Variants in IHO1 observed in about 807,000 individuals in gnomAD.
IHO1 encodes interactor of HORMAD1 protein 1.
In IHO1, 13 loss-of-function variants were observed where a neutral mutation model predicts 31.0. That is an observed-to-expected ratio of 0.42 (90% CI 0.27 to 0.67). IHO1 has a LOEUF of 0.67. IHO1 is among the 30% of genes least tolerant of loss of function. The probability of loss-of-function intolerance (pLI) is 0.24; values close to 1 mark genes in which losing one functional copy is unlikely to be tolerated. For missense variants in IHO1, 599 were observed against 687.5 expected, an observed-to-expected ratio of 0.87 and a Z score of 1.44; for synonymous variants, 221 against 248.4, an observed-to-expected ratio of 0.89 and a Z score of 1.04.
At chr3:49,222,576 G>T (rs1026748759) in intron 2 of IHO1, among the ~76,000 whole-genome samples, 1 of 152,170 alleles carries the variant, frequency 6.6e-6, no homozygotes, top group Admixed American at 6.5e-5. Context: ...CTATCGTAAA[G>T]AGTATGGTTA....
chr3:49,198,191 C>A (rs1156768639), upstream of IHO1, among the ~76,000 whole-genome samples: 1 of 152,220 alleles, frequency 6.6e-6, no homozygotes, highest in Non-Finnish European at 1.5e-5. Flanking sequence ...AATCTCTCCT[C>A]TTGATTTTTT....
intron 4 of IHO1, 98 bp downstream of exon 4, chr3:49,241,487 G>A (rs1389613217): frequency 1.7e-6 from 2 of 1,173,138 alleles, no homozygotes; most frequent in African/African-American, 3.1e-5. Context: ...TAGCATAATA[G>A]CATGTATTAG....
chr3:49,249,270 A>G (rs1228626391), intron 6 of IHO1, among the ~76,000 whole-genome samples: 2 of 151,250 alleles, frequency 1.3e-5, no homozygotes, highest in Non-Finnish European at 3.0e-5. Context: ...GAAAACATGG[A>G]CAACATTTTT....
rs187820275 is a variant in IHO1, at chr3:49,225,911, C to T, written c.57-10637C>T. On this transcript the variant is annotated intron_variant, in intron 2 of 7. Transcript: ENST00000452691. ...GTGAGGGTGATGACATGAGCTGGCG[C>T]TTGCCCCGGGCACCCTCAGTCCTGT... 5.4e-3 allele frequency among the ~76,000 whole-genome samples: 821 copies of T among 151,934 alleles called. 1 individual carries two copies. Among genetic ancestry groups the T allele is most frequent in the Non-Finnish European group, 8.3e-3 (563 of 67,910 alleles).
At chr3:49,204,801 G>C (rs2046114698) in intron 1 of IHO1, among the ~76,000 whole-genome samples, 1 of 152,004 alleles carries the variant, frequency 6.6e-6, no homozygotes, top group African/African-American at 2.4e-5. Flanking sequence ...GATGTGGGCA[G>C]ATCACAAGGT....
At chr3:49,225,918 C>T (rs1476934052) in intron 2 of IHO1, among the ~76,000 whole-genome samples, 9 of 151,902 alleles carry the variant, frequency 5.9e-5, no homozygotes, top group South Asian at 4.1e-4. Flanking sequence ...GCGCTTGCCC[C>T]GGGCACCCTC....
At position 49,256,852 on chromosome 3, in the gene IHO1, A is replaced by C. The variant is rs1457331914; in HGVS notation, c.1355A>C (p.His452Pro). The change falls in exon 8 of 8, where the codon CAC (histidine) becomes CCC (proline). Residue 452 changes from histidine to proline, a missense_variant. Physicochemically the swap from His to Pro is moderately conservative, Grantham distance 77. Coordinates refer to ENST00000452691, the MANE Select transcript of IHO1 (RefSeq NM_001135197.2). This position sits in a 1 kb window ranked among gnomAD's most constrained non-coding sequence, Gnocchi z 4.6. Reference sequence around the variant, plus strand: ...CAGCCCAGGAAGGCCCACAGGGCCCACAGAGGCAGGCTCATAGCCAGCAAG... The same window carrying C: ...CAGCCCAGGAAGGCCCACAGGGCCCCCAGAGGCAGGCTCATAGCCAGCAAG... Reference protein sequence around the residue: ...KQQPRKAHRAHRGRLIASKQK... With the variant: ...KQQPRKAHRAPRGRLIASKQK... 1 of 1,614,136 alleles carries C rather than the reference A, an allele frequency of 6.2e-7. No homozygotes were observed. The highest frequency in any genetic ancestry group is 1.7e-5 in the Admixed American group (1 of 60,002).
At chr3:49,201,819 G>C (rs1291205127) in intron 1 of IHO1, among the ~76,000 whole-genome samples, 1 of 152,168 alleles carries the variant, frequency 6.6e-6, no homozygotes, top group African/African-American at 2.4e-5. Context: ...TCAGGAGTCT[G>C]AGTTGGGAAG....
Position 49,257,309 on chromosome 3 carries a change from C to A in IHO1, c.*27C>A, listed in dbSNP as rs369473759. 3 of 1,590,886 alleles carry A rather than the reference C, an allele frequency of 1.9e-6. No homozygotes were observed. In the South Asian group the frequency reaches 3.4e-5, roughly 18 times the overall value. ...CAGTCCACAGTTGATTTATTGGTCT[C>A]AGCTAGAAAGAGAAATTGCAGGACA... On this transcript the variant is annotated 3_prime_UTR_variant, in exon 8 of 8. Coordinates refer to ENST00000452691, the MANE Select transcript of IHO1 (RefSeq NM_001135197.2).
At chr3:49,241,536 C>A in intron 4 of IHO1, 147 bp downstream of exon 4, 1 of 565,916 alleles carries the variant, frequency 1.8e-6, no homozygotes. Flanking sequence ...CTTACACACA[C>A]ATACACACAC....
chr3:49,223,616 G>A (rs190238550), intron 2 of IHO1, among the ~76,000 whole-genome samples: 297 of 152,118 alleles, frequency 2.0e-3, no homozygotes, highest in East Asian at 0.012. Flanking sequence ...GCGCGAACCC[G>A]GGAGGCAGAG....
intron 6 of IHO1, among the ~76,000 whole-genome samples, chr3:49,252,559 C>T (rs1250624491): frequency 1.3e-5 from 2 of 152,062 alleles, no homozygotes; most frequent in Admixed American, 6.6e-5. Flanking sequence ...GCTAGGACCA[C>T]AGGCACATAC....
chr3:49,239,097 G>A (rs1299249123), intron 3 of IHO1, among the ~76,000 whole-genome samples: 1 of 151,966 alleles, frequency 6.6e-6, no homozygotes, highest in Non-Finnish European at 1.5e-5. Context: ...TCAGCCTCCT[G>A]AGTGGCTGGG....
At chr3:49,251,325 C>T (rs1216494175) in intron 6 of IHO1, among the ~76,000 whole-genome samples, 4 of 139,502 alleles carry the variant, frequency 2.9e-5, no homozygotes, top group Admixed American at 7.5e-5. Context: ...CTCTCTCTGT[C>T]GCCAGGCTGG....
chr3:49,241,981 T>C (rs1224324239), intron 4 of IHO1, among the ~76,000 whole-genome samples: 4 of 151,046 alleles, frequency 2.6e-5, no homozygotes, highest in African/African-American at 7.3e-5. Flanking sequence ...TTCACTCTTG[T>C]TGTCCAGACT....
At chr3:49,225,165 A>G (rs1289157330) in intron 2 of IHO1, among the ~76,000 whole-genome samples, 1 of 152,166 alleles carries the variant, frequency 6.6e-6, no homozygotes, top group African/African-American at 2.4e-5. Flanking sequence ...TCTCTCTGTG[A>G]TGTATAAAGA....
chr3:49,198,478 A>G, upstream of IHO1: 1 of 152,320 alleles, frequency 6.6e-6, no homozygotes, highest in African/African-American at 2.4e-5. Context: ...CTGGGGCTGA[A>G]TCCAATCTCC....
intron 6 of IHO1, among the ~76,000 whole-genome samples, chr3:49,247,483 C>T (rs1045381479): frequency 6.0e-5 from 9 of 150,996 alleles, no homozygotes; most frequent in East Asian, 2.0e-4. Flanking sequence ...CAGCCTGTTT[C>T]GGCCTCCCAA....
chr3:49,248,816 G>A (rs2046726992), intron 6 of IHO1, among the ~76,000 whole-genome samples: 1 of 152,216 alleles, frequency 6.6e-6, no homozygotes, highest in Non-Finnish European at 1.5e-5. Context: ...ATGAGCACAA[G>A]TAGCCTATCC....
Sources: allele counts gnomAD v4.1 joint callset (sites outside exome capture counted in the v4.1 genomes callset), GRCh38; gene constraint gnomAD v4.1.1; non-coding constraint Gnocchi (gnomAD v3.1); transcripts MANE v1.5; gene names NCBI Gene and HGNC (gene_info 2026-07-23, HGNC 2026-07-21).